Variants in SCN9A observed in about 807,000 individuals in gnomAD.
The protein encoded by SCN9A is sodium voltage-gated channel alpha subunit 9.
A neutral mutation model predicts 187.0 loss-of-function variants in SCN9A; 131 were observed. The ratio of observed to expected loss-of-function variants is 0.70; its 90% CI spans 0.61 to 0.81. The LOEUF (loss-of-function observed/expected upper bound fraction) is 0.81. Among genes scored for constraint, SCN9A ranks in the 30% least tolerant of loss-of-function variants. SCN9A has a pLI of 0.00. For missense variants in SCN9A, 2,252 were observed against 2,396.6 expected (o/e 0.94, Z 1.26); for synonymous variants, 809 against 808.6 (o/e 1.00, Z -0.01).
At chr2:166,212,843 T>A (rs561251181) in intron 24 of SCN9A, among the ~76,000 whole-genome samples, 11 of 151,994 alleles carry the variant, frequency 7.2e-5, no homozygotes, top group African/African-American at 2.7e-4. Context: ...AACTGAAAAA[T>A]TCACAAATAT....
chr2:166,320,584 T>C (rs573456683), intron 1 of SCN9A, among the ~76,000 whole-genome samples: 1 of 152,322 alleles, frequency 6.6e-6, no homozygotes, highest in South Asian at 2.1e-4. Flanking sequence ...GAACACTTCA[T>C]TGGGTGCTAC....
chr2:166,278,043 T>C (rs1388036157), intron 15 of SCN9A, 97 bp downstream of exon 15: 1 of 983,278 alleles, frequency 1.0e-6, no homozygotes, highest in Non-Finnish European at 1.5e-6. Flanking sequence ...TAATCTTGCC[T>C]TTTGATTCAA....
chr2:166,315,002 G>A (rs1317677360), intron 1 of SCN9A, among the ~76,000 whole-genome samples: 1 of 152,146 alleles, frequency 6.6e-6, no homozygotes, highest in African/African-American at 2.4e-5. Flanking sequence ...CTATGAATAT[G>A]CATTAAGAAT....
chr2:166,365,650 T>C (rs1046553391), intron 1 of SCN9A, among the ~76,000 whole-genome samples: 24 of 152,210 alleles, frequency 1.6e-4, no homozygotes, highest in African/African-American at 5.8e-4. Flanking sequence ...GTGACTAGAA[T>C]GATTCTTCAG....
At chr2:166,336,187 T>A (rs934242667) in intron 1 of SCN9A, among the ~76,000 whole-genome samples, 8 of 152,052 alleles carry the variant, frequency 5.3e-5, no homozygotes, top group Non-Finnish European at 1.2e-4. Flanking sequence ...AGAAAGAGGA[T>A]AGGGATTGTA....
At chr2:166,227,262 C>T (rs1031961742) in intron 23 of SCN9A, among the ~76,000 whole-genome samples, 1 of 152,108 alleles carries the variant, frequency 6.6e-6, no homozygotes, top group Non-Finnish European at 1.5e-5. Context: ...TTGATAAGCG[C>T]ATATTTACTG....
At chr2:166,319,467 G>A (rs1484974433) in intron 1 of SCN9A, among the ~76,000 whole-genome samples, 1 of 151,852 alleles carries the variant, frequency 6.6e-6, no homozygotes, top group Non-Finnish European at 1.5e-5. Flanking sequence ...TGTCCAAATA[G>A]GAATCAATTC....
At chr2:166,264,674 T>C (rs995870116) in intron 17 of SCN9A, among the ~76,000 whole-genome samples, 1 of 151,980 alleles carries the variant, frequency 6.6e-6, no homozygotes, top group Non-Finnish European at 1.5e-5. Context: ...TGAAAACTTA[T>C]ACTAGGAGAG....
chr2:166,198,669 G>A lies in SCN9A; in HGVS notation c.*3C>T. ...CTGTAAACAATATATCAAAAATGAA[G>A]CTCTATTTTTTGCTTTCCTTGCTGT... On this transcript the variant is annotated 3_prime_UTR_variant, in exon 27 of 27. Transcript: ENST00000642356. 3 of 1,570,088 alleles carry A rather than the reference G, an allele frequency of 1.9e-6. No homozygotes were observed. The highest frequency in any genetic ancestry group is 2.6e-6 in the Non-Finnish European group (3 of 1,155,010).
chr2:166,231,681 A>T (rs916942730), intron 21 of SCN9A, among the ~76,000 whole-genome samples: 1 of 149,484 alleles, frequency 6.7e-6, no homozygotes, highest in African/African-American at 2.5e-5. Flanking sequence ...CCTCCCTAGT[A>T]GCTGAGACTA....
chr2:166,323,874 T>G (rs1699301793), intron 1 of SCN9A, among the ~76,000 whole-genome samples: 1 of 151,932 alleles, frequency 6.6e-6, no homozygotes, highest in Non-Finnish European at 1.5e-5. Context: ...GTATGTTTCC[T>G]TTGATAACTT....
At chr2:166,350,231 G>A (rs1700002695) in intron 1 of SCN9A, among the ~76,000 whole-genome samples, 1 of 152,136 alleles carries the variant, frequency 6.6e-6, no homozygotes, top group Admixed American at 6.5e-5. Context: ...AGTAATTCAA[G>A]CTTTTTATGT....
intron 10 of SCN9A, among the ~76,000 whole-genome samples, chr2:166,288,078 CAT>C (rs1488075333): frequency 1.5e-5 from 2 of 131,800 alleles, no homozygotes; most frequent in Admixed American, 1.6e-4. Context: ...TAAAAAAACA[CAT>C]AGTTCCATGT....
chr2:166,228,209 C>T (rs1574759620), intron 22 of SCN9A, among the ~76,000 whole-genome samples: 1 of 123,160 alleles, frequency 8.1e-6, no homozygotes, highest in African/African-American at 3.1e-5. Context: ...ACCCATGCTT[C>T]TTATTCATGT....
At chr2:166,365,373 T>G (rs1700389997) in intron 1 of SCN9A, among the ~76,000 whole-genome samples, 1 of 152,178 alleles carries the variant, frequency 6.6e-6, no homozygotes, top group African/African-American at 2.4e-5. Context: ...TCAAACATTT[T>G]TTTCTGGTTT....
intron 22 of SCN9A, 54 bp downstream of exon 22, chr2:166,228,637 T>C (rs1694948067): frequency 7.4e-7 from 1 of 1,357,446 alleles, no homozygotes; most frequent in South Asian, 1.4e-5. Context: ...ATAACTTATA[T>C]CCTTCGTCCA....
At chr2:166,298,539 G>A (rs116236631) in intron 7 of SCN9A, among the ~76,000 whole-genome samples, 1,988 of 152,274 alleles carry the variant, frequency 0.013, 42 homozygotes, top group African/African-American at 0.045. Context: ...CTTTGCTATA[G>A]GCACCAGAAA....
chr2:166,352,785 C>T (rs1376349580), intron 1 of SCN9A, among the ~76,000 whole-genome samples: 1 of 152,076 alleles, frequency 6.6e-6, no homozygotes, highest in East Asian at 1.9e-4. Flanking sequence ...CAAATCAGAG[C>T]CTATTTTAGA....
chr2:166,196,621 T>C lies in SCN9A; in HGVS notation c.*2051A>G, dbSNP rs1160099748. ...TAGATTGAATTCAAATTTAAGGTGA[T>C]GTTAAATTCTTAATTGAATGTATTT... is the stretch of plus-strand genomic sequence containing the variant. On this transcript the variant is annotated 3_prime_UTR_variant, in exon 27 of 27. Coordinates refer to ENST00000642356, the MANE Select transcript of SCN9A (RefSeq NM_001365536.1). 6.6e-6 allele frequency: 1 copy of C among 152,174 alleles called. No individual in the cohort carries two copies. Among genetic ancestry groups the C allele is most frequent in the Non-Finnish European group, 1.5e-5 (1 of 67,996 alleles). 9.4% of individuals were successfully genotyped at this position (152,174 alleles called of 1,614,324 possible).
Sources: allele counts gnomAD v4.1 joint callset (sites outside exome capture counted in the v4.1 genomes callset), GRCh38; gene constraint gnomAD v4.1.1; transcripts MANE v1.5; gene names NCBI Gene and HGNC (gene_info 2026-07-23, HGNC 2026-07-21).